Variants in LYSET observed in about 807,000 individuals in gnomAD.
LYSET encodes GNPTAB cleavage and activity factor.
the LYSET span, chr14:93,185,258 G>A: frequency 1.7e-6 from 1 of 600,742 alleles, no homozygotes; most frequent in South Asian, 2.5e-5. Flanking sequence ...GCGGGTCTCC[G>A]GCGGCGGCGA....
At chr14:93,185,380 T>G in the LYSET span, 21 of 1,609,398 alleles carry the variant, frequency 1.3e-5, no homozygotes, top group Non-Finnish European at 1.7e-5. Flanking sequence ...ACCCAGGGGA[T>G]TTATTTTATG....
the LYSET span, chr14:93,186,256 G>C: frequency 2.5e-6 from 4 of 1,604,254 alleles, no homozygotes; most frequent in Admixed American, 3.5e-5. Context: ...TTTTTAATTT[G>C]AAGGCACAGA....
the LYSET span, among the ~76,000 whole-genome samples, chr14:93,187,489 G>C: frequency 1.3e-5 from 2 of 151,762 alleles, no homozygotes; most frequent in Admixed American, 6.6e-5. Context: ...CCCTGAGAAC[G>C]TACGCTCCAA....
chr14:93,186,699 T>C, the LYSET span: 2 of 1,560,126 alleles, frequency 1.3e-6, no homozygotes, highest in Non-Finnish European at 1.7e-6. Context: ...TCCCTACGAT[T>C]ACAAAACTGC....
the LYSET span, chr14:93,186,214 G>GGAATTCTTGGAGATAA: frequency 1.3e-6 from 2 of 1,546,248 alleles, no homozygotes; most frequent in Non-Finnish European, 1.8e-6. Context: ...TAGTTGCCGT[G>GGAATTCTTGGAGATAA]ACAGCATTAC....
the LYSET span, chr14:93,185,546 C>T: frequency 2.2e-6 from 3 of 1,386,966 alleles, no homozygotes; most frequent in South Asian, 2.3e-5. Context: ...CCCGCGTTCA[C>T]GTCTGAAGCA....
the LYSET span, among the ~76,000 whole-genome samples, chr14:93,187,333 A>G: frequency 1.3e-5 from 2 of 152,106 alleles, no homozygotes; most frequent in Admixed American, 6.6e-5. Flanking sequence ...TATGTTGCCC[A>G]GGCAGGTCTC....
the LYSET span, chr14:93,186,824 T>A: frequency 1.3e-6 from 1 of 746,902 alleles, no homozygotes; most frequent in Non-Finnish European, 2.1e-6. Context: ...TTTATCTGAA[T>A]AATAACGAAT....
chr14:93,187,866 C>T, the LYSET span, among the ~76,000 whole-genome samples: 7 of 151,484 alleles, frequency 4.6e-5, no homozygotes, highest in African/African-American at 7.3e-5. Flanking sequence ...CCAGGCTGGT[C>T]TCAAACTCCT....
chr14:93,185,600 T>G, the LYSET span: 30 of 871,682 alleles, frequency 3.4e-5, no homozygotes, highest in East Asian at 1.8e-4. Context: ...AAGTGAAATG[T>G]GCTGTGAGAA....
chr14:93,186,313 TG>T, the LYSET span: 1 of 1,613,986 alleles, frequency 6.2e-7, no homozygotes, highest in Admixed American at 1.7e-5. Flanking sequence ...TGGATTGGAG[TG>T]GGATTGTATC....
the LYSET span, chr14:93,186,649 G>C: frequency 2.5e-6 from 4 of 1,600,378 alleles, no homozygotes; most frequent in Non-Finnish European, 3.4e-6. Context: ...CAGATCAGCA[G>C]ACTACAACTG....
chr14:93,186,617 G>A, the LYSET span: 2 of 1,613,992 alleles, frequency 1.2e-6, no homozygotes, highest in South Asian at 2.2e-5. Flanking sequence ...ATCGCCACCA[G>A]GCATTTGTCA....
the LYSET span, among the ~76,000 whole-genome samples, chr14:93,188,166 CCA>C: frequency 6.6e-6 from 1 of 151,982 alleles, no homozygotes; most frequent in Admixed American, 6.6e-5. Context: ...ACCATGTTGT[CCA>C]GGCTGGTCCC....
At chr14:93,185,334 C>T in the LYSET span, 3 of 1,473,430 alleles carry the variant, frequency 2.0e-6, no homozygotes, top group South Asian at 2.3e-5. Flanking sequence ...GCTGGTGCTC[C>T]AGGCTGGCGG....
At chr14:93,185,292 C>T in the LYSET span, 2 of 1,008,724 alleles carry the variant, frequency 2.0e-6, no homozygotes, top group East Asian at 2.7e-5. Flanking sequence ...GCGCGTGACC[C>T]GCCGCAGTCA....
the LYSET span, among the ~76,000 whole-genome samples, chr14:93,186,034 A>T: frequency 6.6e-6 from 1 of 150,706 alleles, no homozygotes; most frequent in Non-Finnish European, 1.5e-5. Context: ...ACGCCCGGCT[A>T]TTTTTTTTGT....
chr14:93,185,311 T>G, the LYSET span: 1 of 1,231,094 alleles, frequency 8.1e-7, no homozygotes, highest in Non-Finnish European at 1.2e-6. Flanking sequence ...CACGCCGTTC[T>G]TAATCACTAG....
chr14:93,186,452 G>C, the LYSET span: 2 of 1,614,074 alleles, frequency 1.2e-6, no homozygotes, highest in African/African-American at 2.7e-5. Flanking sequence ...CACACTCCTT[G>C]AAAGCTCAAT....
Sources: allele counts gnomAD v4.1 joint callset (sites outside exome capture counted in the v4.1 genomes callset), GRCh38; gene constraint gnomAD v4.1.1; transcripts MANE v1.5; gene names NCBI Gene and HGNC (gene_info 2026-07-23, HGNC 2026-07-21).